SLC4A1AP: variants seen among roughly 807,000 people sequenced by gnomAD.
SLC4A1AP encodes solute carrier family 4 member 1 adaptor protein, also known as kanadaptin.
A neutral mutation model predicts 89.7 loss-of-function variants in SLC4A1AP; 64 were observed. The ratio of observed to expected loss-of-function variants is 0.71; its 90% CI spans 0.58 to 0.88. The LOEUF (loss-of-function observed/expected upper bound fraction) is 0.88. Among genes scored for constraint, SLC4A1AP ranks in the 40% least tolerant of loss-of-function variants. The pLI is 0.00. For synonymous variants in SLC4A1AP, 366 were observed against 353.3 expected (o/e 1.04, Z -0.40); for missense variants, 931 against 965.0 (o/e 0.96, Z 0.47).
intron 12 of SLC4A1AP, among the ~76,000 whole-genome samples, chr2:27,690,991 T>C (rs934604931): frequency 1.3e-5 from 2 of 152,138 alleles, no homozygotes; most frequent in Non-Finnish European, 2.9e-5. Context: ...TATTGGGCTC[T>C]AGTTTTCTTT....
intron 5 of SLC4A1AP, among the ~76,000 whole-genome samples, chr2:27,670,313 C>T (rs1232133674): frequency 6.6e-6 from 1 of 151,854 alleles, no homozygotes; most frequent in Non-Finnish European, 1.5e-5. Flanking sequence ...ACGAATATTA[C>T]ATCAATACAT....
chr2:27,680,113 T>TA (rs1255132822), intron 8 of SLC4A1AP, among the ~76,000 whole-genome samples: 3 of 152,144 alleles, frequency 2.0e-5, no homozygotes, highest in Non-Finnish European at 4.4e-5. Flanking sequence ...TGTGAGCCTT[T>TA]AGCAGCCGAT....
At chr2:27,694,032 C>G (rs1473934081) in intron 13 of SLC4A1AP, among the ~76,000 whole-genome samples, 1 of 151,774 alleles carries the variant, frequency 6.6e-6, no homozygotes, top group East Asian at 1.9e-4. Context: ...GGAAAAAGTC[C>G]TTGTCTTCTA....
At chr2:27,677,213 A>T (rs1291933995) in intron 6 of SLC4A1AP, 82 bp from the exon 7 acceptor site, 4 of 894,752 alleles carry the variant, frequency 4.5e-6, no homozygotes, top group Non-Finnish European at 5.5e-6. Context: ...TAAAACTTCT[A>T]GTAAGAATAA....
At chr2:27,664,543 G>T in exon 1 of SLC4A1AP, 1 of 1,613,088 alleles carries the variant, frequency 6.2e-7, no homozygotes, top group Non-Finnish European at 8.5e-7. Flanking sequence ...CATGTTGTTC[G>T]CTTTGGAGGC....
chr2:27,690,164 A>T (rs1017086674), intron 12 of SLC4A1AP, among the ~76,000 whole-genome samples: 1 of 152,230 alleles, frequency 6.6e-6, no homozygotes, highest in Non-Finnish European at 1.5e-5. Context: ...TATAATTTTT[A>T]AAAAATAGCT....
At chr2:27,692,060 G>C (rs1269992192) in intron 12 of SLC4A1AP, 1 of 152,012 alleles carries the variant, frequency 6.6e-6, no homozygotes, top group Non-Finnish European at 1.5e-5. Context: ...CAATCCTCCT[G>C]CCTTGGCCTT....
At chr2:27,685,220 G>A (rs762080083) in exon 10 of SLC4A1AP, 8 of 1,614,128 alleles carry the variant, frequency 5.0e-6, no homozygotes, top group Non-Finnish European at 6.8e-6. Flanking sequence ...AGAAGCAGCA[G>A]TGCAGGAAAT....
intron 12 of SLC4A1AP, among the ~76,000 whole-genome samples, chr2:27,691,038 G>A (rs1005632631): frequency 2.0e-5 from 3 of 151,960 alleles, no homozygotes; most frequent in Admixed American, 2.0e-4. Flanking sequence ...TTGTATCAGG[G>A]CGATATTAGC....
chr2:27,678,322 A>G (rs1339924152), intron 8 of SLC4A1AP, among the ~76,000 whole-genome samples: 3 of 152,166 alleles, frequency 2.0e-5, no homozygotes, highest in Non-Finnish European at 4.4e-5. Context: ...AAGCAGGCAG[A>G]TCACTTTCAA....
At chr2:27,670,922 C>CTTTT (rs34481114) in intron 5 of SLC4A1AP, among the ~76,000 whole-genome samples, 23 of 111,836 alleles carry the variant, frequency 2.1e-4, no homozygotes, top group East Asian at 5.4e-4. Flanking sequence ...CTTTTCTTTT[C>CTTTT]TTTTTTTTTT....
intron 5 of SLC4A1AP, among the ~76,000 whole-genome samples, chr2:27,671,084 A>G (rs1675421806): frequency 1.3e-5 from 2 of 151,456 alleles, no homozygotes; most frequent in Non-Finnish European, 2.9e-5. Context: ...CTCCACACCC[A>G]GCTAATTTTT....
rs183649703 is a variant in SLC4A1AP, at chr2:27,677,658, C to G, written c.1577-80C>G. ...CCTCTGTCCGGTTTTATGTTAGTGA[C>G]TTTTATATGGAAACTTTGGCTGAAT... On this transcript the variant is annotated intron_variant, in intron 7 of 13. Transcript: ENST00000613058. The G allele has an allele frequency of 1.5e-4, 187 of 1,225,416 alleles. No individual in the cohort carries two copies. In the East Asian group the frequency reaches 4.3e-3, roughly 28 times the overall value. The allele number at this position is 1,225,416 out of a possible 1,614,324, so 75.9% of individuals were successfully genotyped here.
chr2:27,685,048 C>G (rs1168099904), exon 10 of SLC4A1AP: 1 of 1,604,136 alleles, frequency 6.2e-7, no homozygotes, highest in Non-Finnish European at 8.5e-7. Flanking sequence ...AGTTACCCCC[C>G]AAGCGTCCAG....
intron 5 of SLC4A1AP, among the ~76,000 whole-genome samples, chr2:27,671,840 ATCC>A (rs1419155084): frequency 6.6e-6 from 1 of 152,224 alleles, no homozygotes; most frequent in Non-Finnish European, 1.5e-5. Flanking sequence ...TTTGGTGGAC[ATCC>A]TCTAGTAGAT....
chr2:27,675,457 C>CCTTGCCTA, intron 5 of SLC4A1AP, 75 bp from the exon 6 acceptor site: 1 of 1,034,454 alleles, frequency 9.7e-7, no homozygotes, highest in East Asian at 2.6e-5. Context: ...ATTTTAAGCT[C>CCTTGCCTA]CTTGCCTACT....
At chr2:27,673,831 T>C (rs1489883029) in intron 5 of SLC4A1AP, among the ~76,000 whole-genome samples, 1 of 152,124 alleles carries the variant, frequency 6.6e-6, no homozygotes, top group African/African-American at 2.4e-5. Flanking sequence ...CAATTCAAAC[T>C]AGCTTAGGGG....
In SLC4A1AP at chr2:27,669,235, C is replaced by A; in HGVS notation, c.1206-13C>A. The A allele has an allele frequency of 6.3e-7, 1 of 1,597,246 alleles. No individual in the cohort carries two copies. Among genetic ancestry groups the A allele is most frequent in the South Asian group, 1.1e-5 (1 of 87,786 alleles). On this transcript the variant is annotated splice_polypyrimidine_tract_variant and intron_variant, in intron 4 of 13. Transcript: ENST00000613058. ...CTTAATGCTGTGCTATAATTCCCACCAAATCAATGAAGATTACCTGTGGAC... is the reference window on the plus strand; with the variant it reads ...CTTAATGCTGTGCTATAATTCCCACAAAATCAATGAAGATTACCTGTGGAC...
Position 27,669,109 on chromosome 2 carries a change from C to T in SLC4A1AP, c.1206-139C>T, listed in dbSNP as rs547904259. 29 of 1,083,986 alleles carry T rather than the reference C, an allele frequency of 2.7e-5. No individual in the cohort carries two copies. The African/African-American group carries it at 4.1e-4, about 15-fold the overall frequency. The allele number at this position is 1,083,986 out of a possible 1,614,324, so 67.1% of individuals were successfully genotyped here. On this transcript the variant is annotated intron_variant, in intron 4 of 13. Transcript: ENST00000613058. Reference sequence around the variant, plus strand: ...TAGAAAGAAAATATTTTAAATCCAACATTGGAAAGATAGAACAAGATGGAT... The same window carrying T: ...TAGAAAGAAAATATTTTAAATCCAATATTGGAAAGATAGAACAAGATGGAT...
Sources: allele counts gnomAD v4.1 joint callset (sites outside exome capture counted in the v4.1 genomes callset), GRCh38; gene constraint gnomAD v4.1.1; transcripts MANE v1.5; gene names NCBI Gene and HGNC (gene_info 2026-07-23, HGNC 2026-07-21).